WDPCP: variants seen among roughly 807,000 people sequenced by gnomAD.
WDPCP encodes WD repeat containing planar cell polarity effector.
A neutral mutation model predicts 93.1 loss-of-function variants in WDPCP; 71 were observed. That is an observed-to-expected ratio of 0.76 (90% confidence interval 0.63 to 0.93). The LOEUF is 0.93. WDPCP is among the 40% of genes least tolerant of loss of function. WDPCP has a pLI of 0.00. For missense variants in WDPCP, 844 were observed against 887.4 expected (o/e 0.95, Z 0.62); for synonymous variants, 315 against 315.0 (o/e 1.00, Z 0.00).
chr2:63,651,057 A>T (rs1352795960), intron 2 of WDPCP, among the ~76,000 whole-genome samples: 2 of 152,178 alleles, frequency 1.3e-5, no homozygotes, highest in Non-Finnish European at 2.9e-5. Context: ...CAATAAAGAC[A>T]TTTATAAATA....
At chr2:63,647,707 T>C (rs1307028138) in intron 3 of WDPCP, among the ~76,000 whole-genome samples, 2 of 152,198 alleles carry the variant, frequency 1.3e-5, no homozygotes, top group Non-Finnish European at 2.9e-5. Flanking sequence ...GTCAATATCC[T>C]GGTTTTGATA....
chr2:63,652,216 C>T (rs1001271816), intron 2 of WDPCP, among the ~76,000 whole-genome samples: 1 of 152,288 alleles, frequency 6.6e-6, no homozygotes, highest in Admixed American at 6.5e-5. Context: ...AGCTCCCTGG[C>T]CACCCACACA....
intron 14 of WDPCP, among the ~76,000 whole-genome samples, chr2:63,200,874 G>A (rs1675855879): frequency 6.6e-6 from 1 of 152,190 alleles, no homozygotes; most frequent in Non-Finnish European, 1.5e-5. Context: ...GGGTAGTGGG[G>A]AGGTGAGGAT....
chr2:63,568,518 G>T (rs1168061743), intron 1 of WDPCP, among the ~76,000 whole-genome samples: 1 of 152,104 alleles, frequency 6.6e-6, no homozygotes, highest in Non-Finnish European at 1.5e-5. Flanking sequence ...ACTCAGCAAG[G>T]CCATTTTTAC....
intron 2 of WDPCP, among the ~76,000 whole-genome samples, chr2:63,704,162 C>T (rs1669109964): frequency 1.3e-5 from 2 of 152,330 alleles, no homozygotes; most frequent in East Asian, 3.9e-4. Flanking sequence ...TATCCTGCGA[C>T]TTTGCTGAAG....
intron 10 of WDPCP, among the ~76,000 whole-genome samples, chr2:63,384,652 A>G (rs1044790979): frequency 1.3e-5 from 2 of 152,058 alleles, no homozygotes; most frequent in Non-Finnish European, 2.9e-5. Flanking sequence ...ACAGGAGGCT[A>G]AGGCGGGAGG....
intron 2 of WDPCP, among the ~76,000 whole-genome samples, chr2:63,731,009 G>A (rs1293279984): frequency 6.6e-6 from 1 of 152,096 alleles, no homozygotes; most frequent in Non-Finnish European, 1.5e-5. Context: ...GGTGGCTCAT[G>A]CCTGTAATCC....
At chr2:63,452,513 C>G (rs1698325726) in intron 6 of WDPCP, among the ~76,000 whole-genome samples, 1 of 152,182 alleles carries the variant, frequency 6.6e-6, no homozygotes, top group Non-Finnish European at 1.5e-5. Context: ...AATGGCCATA[C>G]TGCCCAGGGT....
At chr2:63,185,028 G>A (rs1448168911) in intron 14 of WDPCP, among the ~76,000 whole-genome samples, 1 of 151,934 alleles carries the variant, frequency 6.6e-6, no homozygotes, top group Non-Finnish European at 1.5e-5. Flanking sequence ...AATTCCTTCA[G>A]TGAATTTTTC....
At chr2:63,481,469 T>C (rs965051328) in intron 6 of WDPCP, among the ~76,000 whole-genome samples, 3 of 151,968 alleles carry the variant, frequency 2.0e-5, no homozygotes, top group East Asian at 1.9e-4. Context: ...CAATTCGCAA[T>C]TGCAAAAATA....
intron 2 of WDPCP, among the ~76,000 whole-genome samples, chr2:63,670,407 T>C (rs1319428492): frequency 3.3e-5 from 5 of 152,150 alleles, no homozygotes; most frequent in Non-Finnish European, 7.4e-5. Context: ...AGTTAGAACC[T>C]AAGGAAAGTG....
At chr2:63,510,569 A>C (rs1015059367) in intron 1 of WDPCP, among the ~76,000 whole-genome samples, 7 of 152,226 alleles carry the variant, frequency 4.6e-5, no homozygotes, top group Non-Finnish European at 1.5e-5. Context: ...ACAGTATTGG[A>C]AGTTCTGGCC....
rs1029626546 is a variant in WDPCP at position 63,438,043 on chromosome 2, G to T, written c.500-489C>A. Reference sequence around the variant, plus strand: ...ATCTTCTTTTAGGGGTATACAAGCTGGATGAAATAAAGCATATTATGACCA... The same window carrying T: ...ATCTTCTTTTAGGGGTATACAAGCTTGATGAAATAAAGCATATTATGACCA... On this transcript the variant is annotated intron_variant, in intron 7 of 17. Coordinates refer to ENST00000272321, the MANE Select transcript of WDPCP (RefSeq NM_015910.7). 5.6e-6 allele frequency: 7 copies of T among 1,247,806 alleles called. No homozygotes were observed. The African/African-American group carries it at 6.2e-5, about 11-fold the overall frequency. The allele number at this position is 1,247,806 out of a possible 1,614,324, so 77.3% of individuals were successfully genotyped here. A position where few individuals can be genotyped will look rare whatever the true frequency, so the allele number is the denominator to read the frequency against.
intron 5 of WDPCP, 64 bp from the exon 6 acceptor site, chr2:63,484,727 T>G: frequency 6.2e-7 from 1 of 1,600,630 alleles, no homozygotes; most frequent in East Asian, 2.2e-5. Context: ...TCAGTTAAAG[T>G]GCCTCTGATT....
chr2:63,337,183 C>A (rs1433104788), intron 12 of WDPCP, among the ~76,000 whole-genome samples: 1 of 152,186 alleles, frequency 6.6e-6, no homozygotes. Context: ...TGAGCCACTG[C>A]GCACGGCCCA....
At chr2:63,795,366 G>T (rs1670598174) in intron 2 of WDPCP, among the ~76,000 whole-genome samples, 1 of 151,846 alleles carries the variant, frequency 6.6e-6, no homozygotes, top group African/African-American at 2.4e-5. Flanking sequence ...AGGGAAAATG[G>T]TAAGAATAAG....
chr2:63,704,051 T>G (rs976967406), intron 2 of WDPCP, among the ~76,000 whole-genome samples: 3 of 152,216 alleles, frequency 2.0e-5, no homozygotes, highest in Admixed American at 6.5e-5. Flanking sequence ...TATTTTATTC[T>G]CTTTGAAGCA....
chr2:63,317,215 C>T (rs539537824), intron 12 of WDPCP, among the ~76,000 whole-genome samples: 1 of 152,070 alleles, frequency 6.6e-6, no homozygotes, highest in East Asian at 1.9e-4. Flanking sequence ...CATGGTGGCT[C>T]ATACCTGTAA....
intron 3 of WDPCP, among the ~76,000 whole-genome samples, chr2:63,628,693 T>C (rs950170313): frequency 2.6e-5 from 4 of 152,232 alleles, no homozygotes; most frequent in African/African-American, 9.6e-5. Context: ...CATCTTGGTA[T>C]GTGGCCTAAG....
Sources: allele counts gnomAD v4.1 joint callset (sites outside exome capture counted in the v4.1 genomes callset), GRCh38; gene constraint gnomAD v4.1.1; transcripts MANE v1.5; gene names NCBI Gene and HGNC (gene_info 2026-07-23, HGNC 2026-07-21).